MESD: variants seen among roughly 807,000 people sequenced by gnomAD.
MESD encodes the protein mesoderm development LRP chaperone.
In MESD, 7 loss-of-function variants were observed where a neutral mutation model predicts 12.9. The observed-to-expected ratio is 0.54, with a 90% CI of 0.31 to 1.02. MESD has a LOEUF of 1.02. Among genes scored for constraint, MESD ranks in the 50% least tolerant of loss-of-function variants. The pLI is 0.05. For synonymous variants in MESD, 126 were observed against 115.6 expected (o/e 1.09, Z -0.58); for missense variants, 342 against 296.7 (o/e 1.15, Z -1.12).
At position 80,977,568 on chromosome 15, in the gene MESD, C is replaced by T. The variant is rs1446302562; in HGVS notation, c.*1651G>A. 6.6e-6 allele frequency: 1 copy of T among 152,256 alleles called. No individual in the cohort carries two copies. The highest frequency in any genetic ancestry group is 1.5e-5 in the Non-Finnish European group (1 of 68,070). 9.4% of individuals were successfully genotyped at this position (152,256 alleles called of 1,614,324 possible). On this transcript the variant is annotated 3_prime_UTR_variant, in exon 3 of 3. Transcript: ENST00000261758. ...CCTTTTGCTTAATTAAAGCAATTAT[C>T]TCATCAAAACAGCTGCTTTATACTG... is the stretch of plus-strand genomic sequence containing the variant.
intron 3 of MESD, among the ~76,000 whole-genome samples, chr15:80,960,235 C>T (rs1394472555): frequency 6.6e-6 from 1 of 152,028 alleles, no homozygotes; most frequent in Non-Finnish European, 1.5e-5. Flanking sequence ...TGTGGTGGCA[C>T]CCACCTGTAG....
downstream of MESD, among the ~76,000 whole-genome samples, chr15:80,972,736 T>C (rs1472476374): frequency 6.6e-6 from 1 of 152,194 alleles, no homozygotes; most frequent in Non-Finnish European, 1.5e-5. Context: ...AAAAACTTCA[T>C]TACAGGTTGG....
intron 2 of MESD, 56 bp downstream of exon 2, chr15:80,981,894 T>TAAA (rs1437645191): frequency 1.7e-6 from 2 of 1,174,424 alleles, no homozygotes; most frequent in Non-Finnish European, 2.5e-6. Context: ...ATAATAATAA[T>TAAA]AAAGAAAAGA....
intron 3 of MESD, among the ~76,000 whole-genome samples, chr15:80,963,380 A>G: frequency 6.6e-6 from 1 of 152,258 alleles, no homozygotes; most frequent in Non-Finnish European, 1.5e-5. Context: ...ACAGATTCAC[A>G]GCCAAATTCT....
At chr15:80,972,507 C>T (rs1166279240), downstream of MESD, among the ~76,000 whole-genome samples, 1 of 152,198 alleles carries the variant, frequency 6.6e-6, no homozygotes, top group Non-Finnish European at 1.5e-5. Flanking sequence ...CATGTAAACA[C>T]AGCAGCCAGA....
chr15:80,947,948 A>G (rs1901633651), exon 5 of MESD: 1 of 152,314 alleles, frequency 6.6e-6, no homozygotes, highest in Non-Finnish European at 1.5e-5. Flanking sequence ...ACTATGGAAA[A>G]CATCAAAATC....
downstream of MESD, among the ~76,000 whole-genome samples, chr15:80,971,571 G>A (rs541122362): frequency 1.3e-5 from 2 of 152,186 alleles, no homozygotes; most frequent in Non-Finnish European, 2.9e-5. Context: ...TGTCTTCACT[G>A]TATTCAGAGT....
intron 3 of MESD, among the ~76,000 whole-genome samples, chr15:80,955,487 CAAA>C (rs1169755665): frequency 6.6e-5 from 3 of 45,622 alleles, no homozygotes; most frequent in African/African-American, 9.0e-5. Flanking sequence ...GACTCCGTCT[CAAA>C]AAAAAAAAAA....
chr15:80,989,678 G>C lies in MESD; in HGVS notation c.114C>G (p.Pro38=), dbSNP rs756579289. 1 of 1,613,154 alleles carries C rather than the reference G, an allele frequency of 6.2e-7. No homozygotes were observed. The highest frequency in any genetic ancestry group is 1.1e-5 in the South Asian group (1 of 91,076). ...PPGSCAAEGS[P]GTPDESTPPP... ...GTGGGGTAGACTCGTCGGGCGTCCC[G>C]GGCGAGCCTTCGGCCGCGCAGGACC... The change falls in exon 1 of 3, where the codon CCC becomes CCG. Residue 38 remains proline (P), a synonymous_variant. Coordinates refer to ENST00000261758, the MANE Select transcript of MESD (RefSeq NM_015154.3).
Position 80,948,754 on chromosome 15 carries a change from T to A in MESD, c.*771A>T, listed in dbSNP as rs1362459316. 1.9e-6 allele frequency: 3 copies of A among 1,613,490 alleles called. No homozygotes were observed. The East Asian group carries it at 6.7e-5, about 36-fold the overall frequency. ...ATGGAACGGGGTGGGGCAGCCGTCC[T>A]CTCATAGGGCTTTTGCTCAGGAGAC... is the stretch of plus-strand genomic sequence containing the variant. On this transcript the variant is annotated 3_prime_UTR_variant, in exon 5 of 5. Coordinates refer to the MESD transcript ENST00000561312.
chr15:80,954,367 C>A (rs1045636125), intron 3 of MESD, among the ~76,000 whole-genome samples: 2 of 152,352 alleles, frequency 1.3e-5, no homozygotes, highest in East Asian at 3.9e-4. Flanking sequence ...CCGACCCTAG[C>A]GCAACCCTCC....
At chr15:80,955,502 A>AAAAAAAAAAAAAG (rs1483500188) in intron 3 of MESD, among the ~76,000 whole-genome samples, 2 of 143,346 alleles carry the variant, frequency 1.4e-5, no homozygotes, top group African/African-American at 5.9e-5. Context: ...AAAAAAAAAA[A>AAAAAAAAAAAAAG]AAAGAAATGC....
intron 3 of MESD, chr15:80,953,082 G>A (rs1054354230): frequency 4.4e-6 from 2 of 456,104 alleles, no homozygotes; most frequent in South Asian, 1.5e-5. Context: ...GTAAGAGGCA[G>A]AGTCTGACAG....
intron 2 of MESD, among the ~76,000 whole-genome samples, chr15:80,981,727 C>A (rs1489550745): frequency 6.7e-6 from 1 of 149,634 alleles, no homozygotes; most frequent in South Asian, 2.1e-4. Context: ...TGGTGGCGGG[C>A]GCCTGTAGTT....
downstream of MESD, chr15:80,947,225 G>A (rs558697567): frequency 3.2e-6 from 2 of 619,212 alleles, no homozygotes; most frequent in South Asian, 1.9e-5. Context: ...CTACTGGAAT[G>A]GATGGGCAAG....
chr15:80,946,903 C>T (rs532361593), downstream of MESD: 50 of 1,136,554 alleles, frequency 4.4e-5, no homozygotes, highest in African/African-American at 7.5e-4. Context: ...AACATCCCTC[C>T]CCATGCCCAC....
rs1265575246 is a variant in MESD, at chr15:80,978,139, G to A, written c.*1080C>T. 3 of 152,110 alleles carry A rather than the reference G, an allele frequency of 2.0e-5. No individual in the cohort carries two copies. Among genetic ancestry groups the A allele is most frequent in the Non-Finnish European group, 4.4e-5 (3 of 68,020 alleles). 9.4% of individuals were successfully genotyped at this position (152,110 alleles called of 1,614,324 possible). A position where few individuals can be genotyped will look rare whatever the true frequency, so the allele number is the denominator to read the frequency against. The stretch of plus-strand genomic sequence containing the variant: ...GCTTCCACTGGGACAAGCTACCACC[G>A]GCGGCAAGAGAGGGATACACTTTTC... On this transcript the variant is annotated 3_prime_UTR_variant, in exon 3 of 3. Transcript: ENST00000261758.
downstream of MESD, chr15:80,970,770 T>C (rs1430724269): frequency 6.6e-6 from 1 of 152,082 alleles, no homozygotes; most frequent in African/African-American, 2.4e-5. Flanking sequence ...TGGGCTCAAT[T>C]CTGAATACAG....
chr15:80,947,160 C>A, downstream of MESD: 1 of 794,906 alleles, frequency 1.3e-6, no homozygotes, highest in Non-Finnish European at 2.2e-6. Flanking sequence ...GAGTTGAGAA[C>A]ATGCTTTGTA....
Sources: gnomAD v4.1 joint callset for allele counts (sites outside exome capture counted in the v4.1 genomes callset) on GRCh38, gnomAD v4.1.1 for gene constraint, MANE v1.5 for transcripts, NCBI Gene and HGNC (gene_info 2026-07-23, HGNC 2026-07-21) for gene names.